Variants in TTYH1 observed in about 807,000 individuals in gnomAD.
The protein encoded by TTYH1 is tweety family member 1.
In TTYH1, 33 loss-of-function variants were observed where a neutral mutation model predicts 61.2. The observed-to-expected ratio is 0.54, with a 90% CI of 0.41 to 0.72. The LOEUF is 0.72. TTYH1 is among the 30% of genes least tolerant of loss of function. The pLI is 0.00. For missense variants in TTYH1, 538 were observed against 575.8 expected (o/e 0.93, Z 0.67); for synonymous variants, 308 against 266.4 (o/e 1.16, Z -1.52).
At chr19:54,435,268 TA>T (rs1177859985) in intron 10 of TTYH1, among the ~76,000 whole-genome samples, 1 of 151,844 alleles carries the variant, frequency 6.6e-6, no homozygotes, top group Non-Finnish European at 1.5e-5. Flanking sequence ...GAAAGGGAGA[TA>T]GGGGCCTGCA....
chr19:54,416,885 A>G lies in TTYH1; in HGVS notation c.126+1207A>G, dbSNP rs778059744. 2 of 1,289,600 alleles carry G rather than the reference A, an allele frequency of 1.6e-6. No individual in the cohort carries two copies. The highest frequency in any genetic ancestry group is 2.5e-5 in the South Asian group (2 of 80,870). 79.9% of individuals were successfully genotyped at this position (1,289,600 alleles called of 1,614,324 possible). On this transcript the variant is annotated intron_variant, in intron 1 of 13. Transcript: ENST00000376530. The surrounding 1 kb of genome is among the most constrained non-coding windows in gnomAD (Gnocchi z 7.0). ...CCGCTCTGGCCCGGAGACCTCCCGA[A>G]GCCGCACGCGGGGATCCGCGGCCCC...
intron 5 of TTYH1, among the ~76,000 whole-genome samples, chr19:54,428,695 C>G (rs565443727): frequency 1.9e-4 from 29 of 152,282 alleles, no homozygotes; most frequent in African/African-American, 7.0e-4. Context: ...AGAGTTGAAC[C>G]TGTACCTCCA....
At position 54,421,349 on chromosome 19, in the gene TTYH1, G is replaced by A; in HGVS notation, c.378G>A (p.Leu126=). The change falls in exon 3 of 14, where the codon CTG becomes CTA. Residue 126 remains leucine (L), a synonymous_variant. Transcript: ENST00000376530. This position sits in a 1 kb window ranked among gnomAD's most constrained non-coding sequence, Gnocchi z 4.8. ...GGGTGTCCCAGCTCAGCTCTGCGCT[G>A]CTGCACGCCAACCACACACTCAGCA... ...SDGVSQLSSA[L]LHANHTLSTI... is the part of the protein sequence containing the mutation. 1 of 1,613,862 alleles carries A rather than the reference G, an allele frequency of 6.2e-7. No homozygotes were observed. The highest frequency in any genetic ancestry group is 1.1e-5 in the South Asian group (1 of 91,084).
chr19:54,417,699 G>A (rs142547373), intron 1 of TTYH1, among the ~76,000 whole-genome samples: 25 of 142,222 alleles, frequency 1.8e-4, no homozygotes, highest in Non-Finnish European at 2.8e-4. Flanking sequence ...ACACACACAC[G>A]TACATTCCAT....
chr19:54,418,887 G>C (rs2083143791), intron 1 of TTYH1, among the ~76,000 whole-genome samples: 1 of 152,212 alleles, frequency 6.6e-6, no homozygotes, highest in Non-Finnish European at 1.5e-5. Flanking sequence ...GAGCAGAATT[G>C]GGACCCAAGG....
Position 54,416,764 on chromosome 19 carries a change from GGGACC to G in TTYH1, c.126+1088_126+1092del. 7.7e-7 allele frequency: 1 copy of G among 1,292,644 alleles called. No individual in the cohort carries two copies. The highest frequency in any genetic ancestry group is 1.0e-6 in the Non-Finnish European group (1 of 988,596). 80.1% of individuals were successfully genotyped at this position (1,292,644 alleles called of 1,614,324 possible). A position where few individuals can be genotyped will look rare whatever the true frequency, so the allele number is the denominator to read the frequency against. On this transcript the variant is annotated intron_variant, in intron 1 of 13. Coordinates refer to ENST00000376530, the MANE Select transcript of TTYH1 (RefSeq NM_020659.4). This position sits in a 1 kb window ranked among gnomAD's most constrained non-coding sequence, Gnocchi z 7.0. ...TCGCCGCCCCCTCTCCCCACACACGGGGACCGCCGTCCCCTCGCCCACAGCCTCGC... is the reference window on the plus strand; with the variant it reads ...TCGCCGCCCCCTCTCCCCACACACGGGCCGTCCCCTCGCCCACAGCCTCGC...
rs563095394 is a variant in TTYH1 at position 54,415,747 on chromosome 19, G to C, written c.126+69G>C. The C allele has an allele frequency of 5.1e-6, 7 of 1,381,218 alleles. No individual in the cohort carries two copies. In the African/African-American group the frequency reaches 1.0e-4, roughly 21 times the overall value. The allele number at this position is 1,381,218 out of a possible 1,614,324, so 85.6% of individuals were successfully genotyped here. A position where few individuals can be genotyped will look rare whatever the true frequency, so the allele number is the denominator to read the frequency against. On this transcript the variant is annotated intron_variant, in intron 1 of 13. Coordinates refer to ENST00000376530, the MANE Select transcript of TTYH1 (RefSeq NM_020659.4). This position sits in a 1 kb window ranked among gnomAD's most constrained non-coding sequence, Gnocchi z 5.2. ...GAGCTCCTGGGTCCCGAGGGAGAAG[G>C]GGGCTGGGTCACAGATTTCCTGAGC...
In TTYH1 at chr19:54,416,958, C is replaced by A; in HGVS notation, c.126+1280C>A. ...TTGGGGGAGCCTCACTCCGCCCCCACGGTCGGGGGTCAGGGTCAGGGTGGC... is the reference window on the plus strand; with the variant it reads ...TTGGGGGAGCCTCACTCCGCCCCCAAGGTCGGGGGTCAGGGTCAGGGTGGC... On this transcript the variant is annotated intron_variant, in intron 1 of 13. Coordinates refer to ENST00000376530, the MANE Select transcript of TTYH1 (RefSeq NM_020659.4). This position sits in a 1 kb window ranked among gnomAD's most constrained non-coding sequence, Gnocchi z 7.0. 8.1e-7 allele frequency: 1 copy of A among 1,240,326 alleles called. No homozygotes were observed. Among genetic ancestry groups the A allele is most frequent in the Admixed American group, 2.7e-5 (1 of 37,670 alleles). The allele number at this position is 1,240,326 out of a possible 1,614,324, so 76.8% of individuals were successfully genotyped here. A position where few individuals can be genotyped will look rare whatever the true frequency, so the allele number is the denominator to read the frequency against.
rs1029079710 is a variant in TTYH1 at position 54,420,963 on chromosome 19, G to A, written c.306-314G>A. The A allele has an allele frequency of 4.4e-4, 193 of 442,130 alleles. 1 individual carries two copies. Among genetic ancestry groups the A allele is most frequent in the South Asian group, 3.7e-3 (156 of 41,620 alleles). The allele number at this position is 442,130 out of a possible 1,614,324, so 27.4% of individuals were successfully genotyped here. The stretch of plus-strand genomic sequence containing the variant: ...TAGGGAGGGGAAGACGGCCCATCCC[G>A]GAGCTGGGTGTGACTGGGGTTCTGC... On this transcript the variant is annotated intron_variant, in intron 2 of 13. Transcript: ENST00000376530. The surrounding 1 kb of genome is among the most constrained non-coding windows in gnomAD (Gnocchi z 4.8).
Position 54,430,449 on chromosome 19 carries a change from A to G in TTYH1, c.884-101A>G, listed in dbSNP as rs1304349484. ...GCCATCGGGCTCCAGGGCTGGGCTG[A>G]GGCCCCTAACCCTGCTAACCCCCCA... On this transcript the variant is annotated intron_variant, in intron 7 of 13. Coordinates refer to ENST00000376530, the MANE Select transcript of TTYH1 (RefSeq NM_020659.4). 1.2e-5 allele frequency: 16 copies of G among 1,290,368 alleles called. No homozygotes were observed. In the East Asian group the frequency reaches 1.4e-4, roughly 11 times the overall value. 79.9% of individuals were successfully genotyped at this position (1,290,368 alleles called of 1,614,324 possible).
chr19:54,416,639 G>C lies in TTYH1; in HGVS notation c.126+961G>C. ...TGGGATTGGAGAGCTCAGGGGGCGT[G>C]GAGGGGGTCCCAGAAAAGCGCGGAG... On this transcript the variant is annotated intron_variant, in intron 1 of 13. Coordinates refer to ENST00000376530, the MANE Select transcript of TTYH1 (RefSeq NM_020659.4). This position sits in a 1 kb window ranked among gnomAD's most constrained non-coding sequence, Gnocchi z 7.0. 1 of 787,184 alleles carries C rather than the reference G, an allele frequency of 1.3e-6. No homozygotes were observed. The highest frequency in any genetic ancestry group is 1.8e-6 in the Non-Finnish European group (1 of 561,840). The allele number at this position is 787,184 out of a possible 1,614,324, so 48.8% of individuals were successfully genotyped here. A position where few individuals can be genotyped will look rare whatever the true frequency, so the allele number is the denominator to read the frequency against.
At chr19:54,428,503 G>C (rs557903708) in intron 5 of TTYH1, among the ~76,000 whole-genome samples, 5 of 152,014 alleles carry the variant, frequency 3.3e-5, no homozygotes, top group Non-Finnish European at 1.5e-5. Flanking sequence ...TGGGTTTACA[G>C]GCATGAGCTA....
In TTYH1 at chr19:54,430,453, C is replaced by T; in HGVS notation, c.884-97C>T. ...TCGGGCTCCAGGGCTGGGCTGAGGC[C>T]CCTAACCCTGCTAACCCCCCAGTGC... On this transcript the variant is annotated intron_variant, in intron 7 of 13. Transcript: ENST00000376530. 2.2e-6 allele frequency: 3 copies of T among 1,374,720 alleles called. No homozygotes were observed. In the South Asian group the frequency reaches 3.5e-5, roughly 16 times the overall value. The allele number at this position is 1,374,720 out of a possible 1,614,324, so 85.2% of individuals were successfully genotyped here. A position where few individuals can be genotyped will look rare whatever the true frequency, so the allele number is the denominator to read the frequency against.
Position 54,416,128 on chromosome 19 carries a change from A to G in TTYH1, c.126+450A>G. ...AGCGGACCTGATAACGGTGGCGGGGAAAACGCTGGCTGCTGCGGTGCTGGG... is the reference window on the plus strand; with the variant it reads ...AGCGGACCTGATAACGGTGGCGGGGGAAACGCTGGCTGCTGCGGTGCTGGG... On this transcript the variant is annotated intron_variant, in intron 1 of 13. Coordinates refer to ENST00000376530, the MANE Select transcript of TTYH1 (RefSeq NM_020659.4). This position sits in a 1 kb window ranked among gnomAD's most constrained non-coding sequence, Gnocchi z 7.0. 1.6e-6 allele frequency: 2 copies of G among 1,250,318 alleles called. No individual in the cohort carries two copies. The highest frequency in any genetic ancestry group is 2.1e-6 in the Non-Finnish European group (2 of 940,624). 77.5% of individuals were successfully genotyped at this position (1,250,318 alleles called of 1,614,324 possible). A position where few individuals can be genotyped will look rare whatever the true frequency, so the allele number is the denominator to read the frequency against.
chr19:54,433,833 C>G (rs1459172728), intron 10 of TTYH1: 1 of 152,156 alleles, frequency 6.6e-6, no homozygotes, highest in Non-Finnish European at 1.5e-5. Flanking sequence ...TGACTCTGGG[C>G]AAGTAGCTTG....
rs1274446353 is a variant in TTYH1, at chr19:54,419,486, T to C, written c.305+180T>C. Reference sequence around the variant, plus strand: ...CGCACAGCAGGAAGGACTGTCCCATTTGATGGATGGAGAAAGTGAGGCTCT... The same window carrying C: ...CGCACAGCAGGAAGGACTGTCCCATCTGATGGATGGAGAAAGTGAGGCTCT... On this transcript the variant is annotated intron_variant, in intron 2 of 13. Coordinates refer to ENST00000376530, the MANE Select transcript of TTYH1 (RefSeq NM_020659.4). This position sits in a 1 kb window ranked among gnomAD's most constrained non-coding sequence, Gnocchi z 6.1. The C allele has an allele frequency of 4.0e-6, 3 of 745,826 alleles. No individual in the cohort carries two copies. In the African/African-American group the frequency reaches 5.2e-5, roughly 13 times the overall value. 46.2% of individuals were successfully genotyped at this position (745,826 alleles called of 1,614,324 possible).
intron 4 of TTYH1, among the ~76,000 whole-genome samples, chr19:54,425,184 T>C (rs2083298458): frequency 6.6e-6 from 1 of 152,124 alleles, no homozygotes; most frequent in African/African-American, 2.4e-5. Flanking sequence ...TCTCCCTGGA[T>C]CACGAGCACA....
At chr19:54,427,618 C>CAAAA (rs200460828) in intron 5 of TTYH1, among the ~76,000 whole-genome samples, 12 of 140,198 alleles carry the variant, frequency 8.6e-5, no homozygotes, top group African/African-American at 2.2e-4. Context: ...ACAACAACAA[C>CAAAA]AAAAAAAAAA....
At position 54,419,631 on chromosome 19, in the gene TTYH1, T is replaced by A; in HGVS notation, c.305+325T>A. 3.3e-6 allele frequency: 2 copies of A among 602,534 alleles called. No individual in the cohort carries two copies. The highest frequency in any genetic ancestry group is 6.2e-6 in the Non-Finnish European group (2 of 320,640). 37.3% of individuals were successfully genotyped at this position (602,534 alleles called of 1,614,324 possible). A position where few individuals can be genotyped will look rare whatever the true frequency, so the allele number is the denominator to read the frequency against. ...TGACCTAAGGGAGTGATAGTCTCCC[T>A]GGGCCTCAATTTCCACATCTGTAAA... On this transcript the variant is annotated intron_variant, in intron 2 of 13. Coordinates refer to ENST00000376530, the MANE Select transcript of TTYH1 (RefSeq NM_020659.4). This position sits in a 1 kb window ranked among gnomAD's most constrained non-coding sequence, Gnocchi z 6.1.
Sources: gnomAD v4.1 joint callset for allele counts (sites outside exome capture counted in the v4.1 genomes callset) on GRCh38, gnomAD v4.1.1 for gene constraint, Gnocchi (gnomAD v3.1) non-coding constraint, MANE v1.5 for transcripts, NCBI Gene and HGNC (gene_info 2026-07-23, HGNC 2026-07-21) for gene names.